The following VMAC variants were observed in gnomAD, a reference collection of about 807,000 sequenced individuals.
VMAC encodes the protein vimentin-type intermediate filament-associated coiled-coil protein.
Under a neutral mutation model 4.8 loss-of-function variants are expected in VMAC, and 8 were observed. That is an observed-to-expected ratio of 1.68 (90% CI 0.99 to 3.03). The LOEUF is 3.03. VMAC is among the 30% of genes most tolerant of loss of function. The probability of loss-of-function intolerance (pLI) is 0.00; values close to 1 mark genes in which losing one functional copy is unlikely to be tolerated. For missense variants in VMAC, 248 were observed against 245.1 expected (o/e 1.01, Z -0.08); for synonymous variants, 96 against 113.7 (o/e 0.84, Z 0.99).
chr19:5,907,722 G>T (rs1157518376), intron 1 of VMAC, among the ~76,000 whole-genome samples: 2 of 150,564 alleles, frequency 1.3e-5, no homozygotes, highest in African/African-American at 4.9e-5. Flanking sequence ...GGAGGCGGAG[G>T]TTGCAGTGAG....
At position 5,908,236 on chromosome 19, in the gene VMAC, C is replaced by T. The variant is rs1308720802; in HGVS notation, c.192-588C>T. The stretch of plus-strand genomic sequence containing the variant: ...GCGCATGCCTGTAAACCCAGCTACT[C>T]GGGAGGTTGAGGAGGACAGTTTGAA... On this transcript the variant is annotated intron_variant, in intron 1 of 1. Transcript: ENST00000339485. This position sits in a 1 kb window ranked among gnomAD's most constrained non-coding sequence, Gnocchi z 4.5. 6.6e-6 allele frequency among the ~76,000 whole-genome samples: 1 copy of T among 152,040 alleles called. No individual in the cohort carries two copies. The highest frequency in any genetic ancestry group is 1.5e-5 in the Non-Finnish European group (1 of 68,028).
intron 1 of VMAC, among the ~76,000 whole-genome samples, chr19:5,905,529 C>T (rs1458354232): frequency 1.3e-5 from 2 of 152,200 alleles, no homozygotes; most frequent in Non-Finnish European, 2.9e-5. Flanking sequence ...AAGCGATTCT[C>T]CTGCCTCAGC....
At chr19:5,907,233 A>G (rs2057681751) in intron 1 of VMAC, among the ~76,000 whole-genome samples, 1 of 151,990 alleles carries the variant, frequency 6.6e-6, no homozygotes. Flanking sequence ...ATCTCTTCAT[A>G]TAAGCACACT....
Position 5,910,591 on chromosome 19 carries a change from AC to A in VMAC, c.*1452del, listed in dbSNP as rs2057694270. On this transcript the variant is annotated 3_prime_UTR_variant, in exon 2 of 2. Transcript: ENST00000339485. ...GGGTGCCTGTAATCCCAGCTACTGA[AC>A]CCGGGAGGCGGAGGTTGCAGTGAGT... is the stretch of plus-strand genomic sequence containing the variant. 6.6e-6 allele frequency: 1 copy of A among 151,102 alleles called. No individual in the cohort carries two copies. Among genetic ancestry groups the A allele is most frequent in the Non-Finnish European group, 1.5e-5 (1 of 67,728 alleles). 9.4% of individuals were successfully genotyped at this position (151,102 alleles called of 1,614,324 possible).
In VMAC at chr19:5,908,480, G is replaced by T. The variant is rs775873102; in HGVS notation, c.192-344G>T. ...AGATACAAAAAACTAGCCGGGCATA[G>T]TGGTGGGCACCTGTAATCCCAGCTA... On this transcript the variant is annotated intron_variant, in intron 1 of 1. Coordinates refer to ENST00000339485, the MANE Select transcript of VMAC (RefSeq NM_001017921.4). The surrounding 1 kb of genome is among the most constrained non-coding windows in gnomAD (Gnocchi z 4.5). Among the ~76,000 whole-genome samples, 8 of 152,094 alleles carry T rather than the reference G, an allele frequency of 5.3e-5. No individual in the cohort carries two copies. Among genetic ancestry groups the T allele is most frequent in the African/African-American group, 1.7e-4 (7 of 41,412 alleles).
At chr19:5,907,609 C>CAAAAA (rs1404995732) in intron 1 of VMAC, among the ~76,000 whole-genome samples, 1 of 4,894 alleles carries the variant, frequency 2.0e-4, no homozygotes, top group Admixed American at 3.3e-3. Context: ...CCTGTCTCTA[C>CAAAAA]TAAAAAAAAA....
intron 1 of VMAC, among the ~76,000 whole-genome samples, chr19:5,907,610 T>TA (rs771762988): frequency 0.018 from 331 of 18,682 alleles, 44 homozygotes; most frequent in African/African-American, 0.03. Context: ...CTGTCTCTAC[T>TA]AAAAAAAAAA....
chr19:5,907,282 T>G (rs2057681915), intron 1 of VMAC, among the ~76,000 whole-genome samples: 1 of 152,070 alleles, frequency 6.6e-6, no homozygotes, highest in Admixed American at 6.6e-5. Flanking sequence ...CAACCTCATC[T>G]AACCCTAATC....
Position 5,908,182 on chromosome 19 carries a change from A to C in VMAC, c.192-642A>C, listed in dbSNP as rs1037744931. The stretch of plus-strand genomic sequence containing the variant: ...AACATGGCAAAACCTTGTCTCTACT[A>C]AAAATACAAAAATCAGTCAGGCATG... On this transcript the variant is annotated intron_variant, in intron 1 of 1. Coordinates refer to ENST00000339485, the MANE Select transcript of VMAC (RefSeq NM_001017921.4). This position sits in a 1 kb window ranked among gnomAD's most constrained non-coding sequence, Gnocchi z 4.5. Among the ~76,000 whole-genome samples, 1 of 151,870 alleles carries C rather than the reference A, an allele frequency of 6.6e-6. No homozygotes were observed. The highest frequency in any genetic ancestry group is 1.5e-5 in the Non-Finnish European group (1 of 67,982).
At position 5,909,150 on chromosome 19, in the gene VMAC, A is replaced by G. The variant is rs1267916206; in HGVS notation, c.*8A>G. 6.5e-7 allele frequency: 1 copy of G among 1,531,986 alleles called. No individual in the cohort carries two copies. Among genetic ancestry groups the G allele is most frequent in the Non-Finnish European group, 8.7e-7 (1 of 1,146,314 alleles). The allele number at this position is 1,531,986 out of a possible 1,614,324, so 94.9% of individuals were successfully genotyped here. A position where few individuals can be genotyped will look rare whatever the true frequency, so the allele number is the denominator to read the frequency against. On this transcript the variant is annotated 3_prime_UTR_variant, in exon 2 of 2. Transcript: ENST00000339485. The stretch of plus-strand genomic sequence containing the variant: ...TTTGGGACCACAGTGTGAGCCCGGA[A>G]TGCAGATTACAGAATGGAGACAGAA...
intron 1 of VMAC, among the ~76,000 whole-genome samples, chr19:5,905,987 C>T (rs1450508649): frequency 2.0e-5 from 3 of 151,404 alleles, no homozygotes; most frequent in Non-Finnish European, 2.9e-5. Flanking sequence ...AGCCACCATG[C>T]CTATCTATTA....
intron 1 of VMAC, among the ~76,000 whole-genome samples, 158 bp downstream of exon 1, chr19:5,905,239 A>T (rs1214351234): frequency 6.6e-6 from 1 of 152,190 alleles, no homozygotes; most frequent in Non-Finnish European, 1.5e-5. Flanking sequence ...TCGAATTAGT[A>T]ATCAGTATGT....
At chr19:5,906,086 C>T (rs1358257313) in intron 1 of VMAC, among the ~76,000 whole-genome samples, 1 of 151,964 alleles carries the variant, frequency 6.6e-6, no homozygotes, top group Non-Finnish European at 1.5e-5. Context: ...CCTCCTCAGC[C>T]TCTCAAGTAG....
rs2057673190 is a variant in VMAC at position 5,905,045 on chromosome 19, G to A, written c.155G>A (p.Arg52His). 5.8e-6 allele frequency: 8 copies of A among 1,378,606 alleles called. No homozygotes were observed. The highest frequency in any genetic ancestry group is 1.5e-5 in the African/African-American group (1 of 65,758). The allele number at this position is 1,378,606 out of a possible 1,614,324, so 85.4% of individuals were successfully genotyped here. A position where few individuals can be genotyped will look rare whatever the true frequency, so the allele number is the denominator to read the frequency against. ...ERLALHDQQLRAALDELGRAK... is the reference protein window; with the variant it reads ...ERLALHDQQLHAALDELGRAK... ...CTGGCCCTCCACGACCAGCAGCTGC[G>A]CGCCGCCCTAGACGAACTGGGTCGC... Residue 52 changes from arginine to histidine, a missense_variant, in exon 1 of 2, where the codon CGC becomes CAC. Transcript: ENST00000339485.
Position 5,909,400 on chromosome 19 carries a change from G to C in VMAC, c.*258G>C. On this transcript the variant is annotated 3_prime_UTR_variant, in exon 2 of 2. Coordinates refer to ENST00000339485, the MANE Select transcript of VMAC (RefSeq NM_001017921.4). Reference sequence around the variant, plus strand: ...AAAAACCTGGCAATGCAAACACAAAGATCTGGATTTCTGGCAAGACTTGGC... The same window carrying C: ...AAAAACCTGGCAATGCAAACACAAACATCTGGATTTCTGGCAAGACTTGGC... 2.2e-6 allele frequency: 1 copy of C among 453,696 alleles called. No homozygotes were observed. 28.1% of individuals were successfully genotyped at this position (453,696 alleles called of 1,614,324 possible).
At chr19:5,906,941 C>T (rs1209967918) in intron 1 of VMAC, among the ~76,000 whole-genome samples, 3 of 152,176 alleles carry the variant, frequency 2.0e-5, no homozygotes, top group East Asian at 1.9e-4. Flanking sequence ...GCACGAGAAT[C>T]GCTTGAACCC....
Position 5,909,349 on chromosome 19 carries a change from T to G in VMAC, c.*207T>G, listed in dbSNP as rs992882426. On this transcript the variant is annotated 3_prime_UTR_variant, in exon 2 of 2. Coordinates refer to ENST00000339485, the MANE Select transcript of VMAC (RefSeq NM_001017921.4). The stretch of plus-strand genomic sequence containing the variant: ...AGACAGAAGTGTTCTTGTTTGTTTT[T>G]AAGCTTTGAATCAGTCACCCTTGCT... 4 of 540,826 alleles carry G rather than the reference T, an allele frequency of 7.4e-6. No homozygotes were observed. The African/African-American group carries it at 8.0e-5, about 11-fold the overall frequency. The allele number at this position is 540,826 out of a possible 1,614,324, so 33.5% of individuals were successfully genotyped here.
Position 5,908,969 on chromosome 19 carries a change from CCCCTGGCTGGGCTGCTGGATG to C in VMAC, c.347_367del (p.Gly116_Ala122del), listed in dbSNP as rs765981778. ...GCAGGACATCTGCCGCCGCCGGCCA[CCCCTGGCTGGGCTGCTGGATG>C]CCCTGGCTGAGGCTGAGCGCCTGGG... On this transcript the variant is annotated inframe_deletion, in exon 2 of 2. Transcript: ENST00000339485. The surrounding 1 kb of genome is among the most constrained non-coding windows in gnomAD (Gnocchi z 4.5). 5 of 1,612,306 alleles carry C rather than the reference CCCCTGGCTGGGCTGCTGGATG, an allele frequency of 3.1e-6. No individual in the cohort carries two copies. The highest frequency in any genetic ancestry group is 4.5e-5 in the East Asian group (2 of 44,844).
In VMAC at chr19:5,910,084, G is replaced by A. The variant is rs7260578; in HGVS notation, c.*942G>A. The stretch of plus-strand genomic sequence containing the variant: ...GTCGGAGGCCACCCACGGCCTTCAG[G>A]ATGGCGCCCGCCTGCCTGCCTGGCA... On this transcript the variant is annotated 3_prime_UTR_variant, in exon 2 of 2. Coordinates refer to ENST00000339485, the MANE Select transcript of VMAC (RefSeq NM_001017921.4). The A allele has an allele frequency of 0.47, 71,363 of 152,038 alleles. 17,104 individuals are homozygous for A. The highest frequency in any genetic ancestry group is 0.68 in the East Asian group (3,504 of 5,148). 9.4% of individuals were successfully genotyped at this position (152,038 alleles called of 1,614,324 possible). A position where few individuals can be genotyped will look rare whatever the true frequency, so the allele number is the denominator to read the frequency against.
Sources: allele counts gnomAD v4.1 joint callset (sites outside exome capture counted in the v4.1 genomes callset), GRCh38; gene constraint gnomAD v4.1.1; non-coding constraint Gnocchi (gnomAD v3.1); transcripts MANE v1.5; gene names NCBI Gene and HGNC (gene_info 2026-07-23, HGNC 2026-07-21).